MON2: variants seen among roughly 807,000 people sequenced by gnomAD.
MON2 encodes protein MON2 homolog.
Under a neutral mutation model 208.6 loss-of-function variants are expected in MON2, and 84 were observed. That is an observed-to-expected ratio of 0.40 (90% CI 0.34 to 0.48). MON2 has a LOEUF of 0.48. MON2 is among the 20% of genes least tolerant of loss of function. The pLI, the probability that MON2 is intolerant of heterozygous loss-of-function variation, is 0.59. For missense variants in MON2, 1,611 were observed against 2,015.4 expected (o/e 0.80, Z 3.84); for synonymous variants, 660 against 694.0 (o/e 0.95, Z 0.77).
At chr12:62,521,725 A>G (rs1236373325) in intron 8 of MON2, among the ~76,000 whole-genome samples, 1 of 152,212 alleles carries the variant, frequency 6.6e-6, no homozygotes, top group South Asian at 2.1e-4. Context: ...ATCACTCATT[A>G]GAATTTAGAA....
intron 2 of MON2, among the ~76,000 whole-genome samples, chr12:62,489,758 C>G (rs1442270657): frequency 6.6e-6 from 1 of 151,998 alleles, no homozygotes; most frequent in Non-Finnish European, 1.5e-5. Context: ...GTGAAACTGC[C>G]TAGACTTTCA....
At position 62,592,803 on chromosome 12, in the gene MON2, A is replaced by T; in HGVS notation, c.*54A>T. 6.8e-7 allele frequency: 1 copy of T among 1,473,904 alleles called. No individual in the cohort carries two copies. Among genetic ancestry groups the T allele is most frequent in the Non-Finnish European group, 9.2e-7 (1 of 1,086,190 alleles). The allele number at this position is 1,473,904 out of a possible 1,614,324, so 91.3% of individuals were successfully genotyped here. On this transcript the variant is annotated 3_prime_UTR_variant, in exon 35 of 35. Coordinates refer to ENST00000393630, the MANE Select transcript of MON2 (RefSeq NM_015026.3). ...GATAGTCTAAAAAATGTTTGCTCCT[A>T]ATTGAGTCTTCTGTGAGAAGGACAT...
intron 1 of MON2, chr12:62,470,882 CT>C (rs1302786316): frequency 3.0e-5 from 10 of 329,246 alleles, no homozygotes; most frequent in Non-Finnish European, 4.4e-5. Flanking sequence ...GTAACATTGC[CT>C]TGACAGTTGG....
chr12:62,501,044 G>A (rs1370088071), intron 6 of MON2, among the ~76,000 whole-genome samples, 164 bp downstream of exon 6: 1 of 151,774 alleles, frequency 6.6e-6, no homozygotes, highest in Non-Finnish European at 1.5e-5. Context: ...TTACTTTATA[G>A]CTAATTAACA....
intron 12 of MON2, among the ~76,000 whole-genome samples, chr12:62,533,175 A>G (rs1195170395): frequency 6.6e-6 from 1 of 152,080 alleles, no homozygotes; most frequent in Non-Finnish European, 1.5e-5. Flanking sequence ...CAGCTTATTC[A>G]TTTTTGACAG....
chr12:62,537,633 C>G lies in MON2; in HGVS notation c.2045C>G (p.Thr682Ser). 1 of 1,612,916 alleles carries G rather than the reference C, an allele frequency of 6.2e-7. No homozygotes were observed. The highest frequency in any genetic ancestry group is 8.5e-7 in the Non-Finnish European group (1 of 1,179,588). ...TCCAAAAATATCCAGTGTATGAGGA[C>G]TTTACTTAACTTGGCGCATTGCCAT... Reference protein sequence around the residue: ...LTSKNIQCMRTLLNLAHCHGA... With the variant: ...LTSKNIQCMRSLLNLAHCHGA... The change falls in exon 16 of 35, where the codon ACT becomes AGT. Residue 682 changes from threonine (T) to serine (S), a missense_variant. Transcript: ENST00000393630.
intron 1 of MON2, among the ~76,000 whole-genome samples, chr12:62,475,967 C>T (rs2069052213): frequency 1.3e-5 from 2 of 151,954 alleles, no homozygotes; most frequent in East Asian, 3.9e-4. Context: ...GCCGAGATCT[C>T]GCCATTGCAC....
At chr12:62,490,566 CT>C (rs1301979039) in intron 2 of MON2, among the ~76,000 whole-genome samples, 2 of 151,970 alleles carry the variant, frequency 1.3e-5, no homozygotes, top group East Asian at 3.8e-4. Flanking sequence ...ACTATTACCA[CT>C]TTTTAAAGAA....
At chr12:62,511,256 A>G (rs1352323351) in intron 8 of MON2, among the ~76,000 whole-genome samples, 4 of 152,230 alleles carry the variant, frequency 2.6e-5, no homozygotes, top group Admixed American at 2.0e-4. Context: ...AGAAGAAACC[A>G]TCTTAAAATT....
chr12:62,576,637 C>T (rs1314691083), intron 30 of MON2, among the ~76,000 whole-genome samples: 3 of 151,962 alleles, frequency 2.0e-5, no homozygotes, highest in African/African-American at 7.2e-5. Context: ...TAAGATCTTA[C>T]ATGGCTTATT....
chr12:62,580,468 G>A (rs982951426), intron 32 of MON2, 48 bp downstream of exon 32: 3 of 1,466,910 alleles, frequency 2.0e-6, no homozygotes, highest in Non-Finnish European at 2.8e-6. Context: ...TACTTTTGAA[G>A]AAACTGTCAG....
Position 62,556,165 on chromosome 12 carries a change from A to G in MON2, c.3382A>G (p.Thr1128Ala). 2 of 1,614,016 alleles carry G rather than the reference A, an allele frequency of 1.2e-6. No individual in the cohort carries two copies. Among genetic ancestry groups the G allele is most frequent in the Non-Finnish European group, 8.5e-7 (1 of 1,179,966 alleles). ...GGCTGGAGTAGCAAGGATCTTCAAC[A>G]CTAGAAGATATTTGCTGCAGCCTTT... is the stretch of plus-strand genomic sequence containing the variant. ...TLAGVARIFN[T>A]RRYLLQPLGD... The change falls in exon 25 of 35, where the codon ACT becomes GCT. Residue 1128 changes from threonine to alanine, a missense_variant. Coordinates refer to ENST00000393630, the MANE Select transcript of MON2 (RefSeq NM_015026.3).
intron 19 of MON2, among the ~76,000 whole-genome samples, chr12:62,540,976 A>T (rs1021554409): frequency 1.3e-5 from 2 of 152,208 alleles, no homozygotes; most frequent in Non-Finnish European, 2.9e-5. Context: ...TATTCTAGGG[A>T]TTAAAGATGT....
In MON2 at chr12:62,472,761, A is replaced by G. The variant is rs186289020; in HGVS notation, c.111+5443A>G. Among the ~76,000 whole-genome samples, 303 of 152,328 alleles carry G rather than the reference A, an allele frequency of 2.0e-3. 1 individual carries two copies. Among genetic ancestry groups the G allele is most frequent in the Non-Finnish European group, 3.3e-3 (224 of 68,026 alleles). On this transcript the variant is annotated intron_variant, in intron 1 of 34. Transcript: ENST00000393630. ...TTATGACATTGAAGATGAGGGCTGG[A>G]TAATCTTTACGAGCTTACTTGGGAT...
chr12:62,548,560 T>G (rs987742360), intron 22 of MON2, among the ~76,000 whole-genome samples: 1 of 152,296 alleles, frequency 6.6e-6, no homozygotes, highest in East Asian at 1.9e-4. Flanking sequence ...GGAAAGTTAA[T>G]TTTTCTTAAA....
chr12:62,544,302 C>T (rs186446429), intron 20 of MON2, among the ~76,000 whole-genome samples: 4 of 151,972 alleles, frequency 2.6e-5, no homozygotes, highest in Admixed American at 2.0e-4. Context: ...AAAAATTAGC[C>T]GGGCTTGGTG....
At position 62,496,481 on chromosome 12, in the gene MON2, TA is replaced by T. The variant is rs200109585; in HGVS notation, c.435+1337del. ...TGTGTCTTTCCTTTATGTTGAAATC[TA>T]AAGAGTAGTAGCGATATCAAAGGCT... is the stretch of plus-strand genomic sequence containing the variant. On this transcript the variant is annotated intron_variant, in intron 4 of 34. Transcript: ENST00000393630. 4.3e-3 allele frequency among the ~76,000 whole-genome samples: 655 copies of T among 152,330 alleles called. 7 individuals carry two copies. The highest frequency in any genetic ancestry group is 0.015 in the African/African-American group (622 of 41,582).
At chr12:62,565,173 A>G in intron 26 of MON2, 64 bp from the exon 27 acceptor site, 1 of 1,473,478 alleles carries the variant, frequency 6.8e-7, no homozygotes, top group Non-Finnish European at 9.4e-7. Context: ...ACAAATATAT[A>G]CACAGTAAAG....
At chr12:62,490,747 C>A (rs927513635) in intron 2 of MON2, among the ~76,000 whole-genome samples, 1 of 151,874 alleles carries the variant, frequency 6.6e-6, no homozygotes, top group Non-Finnish European at 1.5e-5. Context: ...TATAAACTTC[C>A]TTTTTGATTA....
Sources: gnomAD v4.1 joint callset for allele counts (sites outside exome capture counted in the v4.1 genomes callset) on GRCh38, gnomAD v4.1.1 for gene constraint, MANE v1.5 for transcripts, NCBI Gene and HGNC (gene_info 2026-07-23, HGNC 2026-07-21) for gene names.